Variants in LEMD2 observed in about 807,000 individuals in gnomAD.
The protein encoded by LEMD2 is LEM domain nuclear envelope protein 2, also known as LEM domain-containing protein 2.
Under a neutral mutation model 58.8 loss-of-function variants are expected in LEMD2, and 34 were observed. The observed-to-expected ratio is 0.58, with a 90% CI of 0.44 to 0.77. The LOEUF (loss-of-function observed/expected upper bound fraction) is 0.77, where lower values mean the gene tolerates loss of function less well. Among genes scored for constraint, LEMD2 ranks in the 30% least tolerant of loss-of-function variants. The pLI is 0.00. For synonymous variants in LEMD2, 298 were observed against 308.9 expected (o/e 0.96, Z 0.37); for missense variants, 629 against 717.9 (o/e 0.88, Z 1.42).
chr6:33,775,193 G>A lies in LEMD2; in HGVS notation c.1361+1761C>T, dbSNP rs1393098679. 3.3e-5 allele frequency among the ~76,000 whole-genome samples: 5 copies of A among 152,212 alleles called. 1 individual carries two copies. The East Asian group carries it at 9.6e-4, about 29-fold the overall frequency. On this transcript the variant is annotated intron_variant, in intron 8 of 8. Transcript: ENST00000293760. ...CCTCACGCTGAAACCAACAGCAAGCGCTCCTCAGAGCAAGCACAGCCCATG... is the reference window on the plus strand; with the variant it reads ...CCTCACGCTGAAACCAACAGCAAGCACTCCTCAGAGCAAGCACAGCCCATG...
rs1427718788 is a variant in LEMD2, at chr6:33,780,191, C to T, written c.931-12G>A. The T allele has an allele frequency of 3.2e-6, 5 of 1,577,568 alleles. No homozygotes were observed. The highest frequency in any genetic ancestry group is 1.8e-5 in the Admixed American group (1 of 54,964). On this transcript the variant is annotated splice_polypyrimidine_tract_variant and intron_variant, in intron 4 of 8. Coordinates refer to ENST00000293760, the MANE Select transcript of LEMD2 (RefSeq NM_181336.4). ...CTGCTGGTCACATTCTGTGGGAGGG[C>T]GCGGGAGAAGGTTAGTTCGGCGTCT...
chr6:33,777,619 T>A (rs1008563424), intron 6 of LEMD2, among the ~76,000 whole-genome samples: 12 of 152,172 alleles, frequency 7.9e-5, no homozygotes, highest in South Asian at 4.1e-4. Context: ...TTTCTGTGCC[T>A]GATGGCACAG....
Position 33,788,512 on chromosome 6 carries a change from A to C in LEMD2, c.605T>G (p.Val202Gly). ...PAGAARARPE[V>G]GRRLERWLSR... ...GAGCCAGCGCTCCAGCCGGCGCCCC[A>C]CCTCAGGCCGGGCCCTCGCCGCGCC... is the stretch of plus-strand genomic sequence containing the variant. Residue 202 changes from valine to glycine, a missense_variant, in exon 1 of 9, where the codon GTG (valine) becomes GGG (glycine). Val to Gly is a moderately radical substitution (Grantham distance 109). This residue lies in a region of LEMD2 where 386 missense variants were observed against 381.1 expected (regional missense o/e 1.01). Coordinates refer to ENST00000293760, the MANE Select transcript of LEMD2 (RefSeq NM_181336.4). 6.5e-7 allele frequency: 1 copy of C among 1,530,680 alleles called. No homozygotes were observed. Among genetic ancestry groups the C allele is most frequent in the Non-Finnish European group, 8.8e-7 (1 of 1,139,032 alleles). 94.8% of individuals were successfully genotyped at this position (1,530,680 alleles called of 1,614,324 possible).
At chr6:33,775,652 T>C (rs1767413350) in intron 8 of LEMD2, among the ~76,000 whole-genome samples, 1 of 152,184 alleles carries the variant, frequency 6.6e-6, no homozygotes, top group Non-Finnish European at 1.5e-5. Flanking sequence ...TTCTGATTCC[T>C]CTTGGGTTGC....
chr6:33,788,629 C>G lies in LEMD2; in HGVS notation c.488G>C (p.Trp163Ser), dbSNP rs934171580. Reference sequence around the variant, plus strand: ...CCGCGCCGGGGCGGGAGACGCTGCCCACCAGCGGCGGGCCGCGAGACCCGG... The same window carrying G: ...CCGCGCCGGGGCGGGAGACGCTGCCGACCAGCGGCGGGCCGCGAGACCCGG... ...QGPGLAARRW[W>S]AASPAPARLP... Residue 163 changes from tryptophan (W) to serine (S), a missense_variant, in exon 1 of 9, where the codon TGG (tryptophan) becomes TCG (serine). By Grantham distance (177) the Trp-to-Ser change is radical. Transcript: ENST00000293760. 1 of 1,274,056 alleles carries G rather than the reference C, an allele frequency of 7.8e-7. No individual in the cohort carries two copies. Among genetic ancestry groups the G allele is most frequent in the African/African-American group, 1.6e-5 (1 of 64,140 alleles). 78.9% of individuals were successfully genotyped at this position (1,274,056 alleles called of 1,614,324 possible). A position where few individuals can be genotyped will look rare whatever the true frequency, so the allele number is the denominator to read the frequency against.
chr6:33,785,007 G>C (rs1218122434), intron 2 of LEMD2, among the ~76,000 whole-genome samples: 1 of 152,122 alleles, frequency 6.6e-6, no homozygotes, highest in Admixed American at 6.5e-5. Context: ...GAGGACAGAC[G>C]GTACCAGACA....
At position 33,788,487 on chromosome 6, in the gene LEMD2, G is replaced by A. The variant is rs767935452; in HGVS notation, c.630C>T (p.Leu210=). 1.4e-4 allele frequency: 224 copies of A among 1,550,214 alleles called. 2 individuals are homozygous for A. The East Asian group carries it at 5.4e-3, about 38-fold the overall frequency. ...PEVGRRLERW[L]SRLLLWASLG... The stretch of plus-strand genomic sequence containing the variant: ...GGCTGGCCCAGAGCAGAAGCCGAGA[G>A]AGCCAGCGCTCCAGCCGGCGCCCCA... The change falls in exon 1 of 9, where the codon CTC becomes CTT. Residue 210 remains leucine, a synonymous_variant. Coordinates refer to ENST00000293760, the MANE Select transcript of LEMD2 (RefSeq NM_181336.4).
At chr6:33,780,242 T>A in intron 4 of LEMD2, 63 bp from the exon 5 acceptor site, 4 of 1,375,582 alleles carry the variant, frequency 2.9e-6, no homozygotes, top group Non-Finnish European at 4.1e-6. Context: ...AACATTATTC[T>A]GCTGCTGGAT....
Position 33,772,780 on chromosome 6 carries a change from T to C in LEMD2, c.1362-2A>G. On this transcript the variant is annotated splice_acceptor_variant, in intron 8 of 8. Coordinates refer to ENST00000293760, the MANE Select transcript of LEMD2 (RefSeq NM_181336.4). LOFTEE classifies it high-confidence loss of function. ...TCCCAGACACGCTTCATGCGCCTCCTGCAATGAGAGGGACGGGGCTCTGCC... is the reference window on the plus strand; with the variant it reads ...TCCCAGACACGCTTCATGCGCCTCCCGCAATGAGAGGGACGGGGCTCTGCC... 6.2e-7 allele frequency: 1 copy of C among 1,612,746 alleles called. No individual in the cohort carries two copies. Among genetic ancestry groups the C allele is most frequent in the Non-Finnish European group, 8.5e-7 (1 of 1,179,434 alleles).
rs990949342 is a variant in LEMD2, at chr6:33,771,294, G to T, written c.*1334C>A. The T allele has an allele frequency of 1.3e-5, 2 of 152,316 alleles. No homozygotes were observed. Among genetic ancestry groups the T allele is most frequent in the East Asian group, 3.9e-4 (2 of 5,180 alleles). 9.4% of individuals were successfully genotyped at this position (152,316 alleles called of 1,614,324 possible). A position where few individuals can be genotyped will look rare whatever the true frequency, so the allele number is the denominator to read the frequency against. ...TGTTGCGGTGTTTCTTATTTTTCTGGCTGGAGCCTGATTATGAGAACATGG... is the reference window on the plus strand; with the variant it reads ...TGTTGCGGTGTTTCTTATTTTTCTGTCTGGAGCCTGATTATGAGAACATGG... On this transcript the variant is annotated 3_prime_UTR_variant, in exon 9 of 9. Coordinates refer to ENST00000293760, the MANE Select transcript of LEMD2 (RefSeq NM_181336.4).
chr6:33,781,018 A>C (rs2127380888), intron 4 of LEMD2, 59 bp downstream of exon 4: 1 of 1,183,562 alleles, frequency 8.4e-7, no homozygotes, highest in South Asian at 1.3e-5. Flanking sequence ...AGGGCTTGAA[A>C]GACCAATAGG....
chr6:33,776,669 TG>T, intron 8 of LEMD2: 1 of 449,884 alleles, frequency 2.2e-6, no homozygotes, highest in Non-Finnish European at 4.1e-6. Flanking sequence ...GGGAGGGAGC[TG>T]CTATTACTTG....
At chr6:33,788,335 A>G (rs771258689) in intron 1 of LEMD2, 46 bp downstream of exon 1, 1 of 1,501,272 alleles carries the variant, frequency 6.7e-7, no homozygotes, top group Middle Eastern at 1.7e-4. Flanking sequence ...CCTCCGGCGG[A>G]CACACGCGCG....
In LEMD2 at chr6:33,784,294, G is replaced by A. The variant is rs113536530; in HGVS notation, c.853+58C>T. On this transcript the variant is annotated intron_variant, in intron 3 of 8. Coordinates refer to ENST00000293760, the MANE Select transcript of LEMD2 (RefSeq NM_181336.4). The stretch of plus-strand genomic sequence containing the variant: ...GCAGTGTAACTAAGCCTGATGAACC[G>A]GGTCAGCCGCCCATAGCTCTCACAA... The A allele has an allele frequency of 4.6e-4, 609 of 1,336,476 alleles. 2 individuals are homozygous for A. The African/African-American group carries it at 6.8e-3, about 15-fold the overall frequency. 82.8% of individuals were successfully genotyped at this position (1,336,476 alleles called of 1,614,324 possible).
Position 33,788,832 on chromosome 6 carries a change from GC to G in LEMD2, c.284del (p.Gly95AlafsTer21). 7.0e-7 allele frequency: 1 copy of G among 1,421,168 alleles called. No homozygotes were observed. The highest frequency in any genetic ancestry group is 9.2e-7 in the Non-Finnish European group (1 of 1,090,794). The allele number at this position is 1,421,168 out of a possible 1,614,324, so 88.0% of individuals were successfully genotyped here. A position where few individuals can be genotyped will look rare whatever the true frequency, so the allele number is the denominator to read the frequency against. On this transcript the variant is annotated frameshift_variant, in exon 1 of 9. Transcript: ENST00000293760. LOFTEE classifies it high-confidence loss of function. The stretch of plus-strand genomic sequence containing the variant: ...AGGCCCCAGGGGTCGCGTAGGCCGA[GC>G]CCGAGGCCGGCTGGGAGAGCCAGGG... ...AEPWLSQPAS[G>X]SAYATPGAYG...
chr6:33,788,549 C>T lies in LEMD2; in HGVS notation c.568G>A (p.Ala190Thr). Residue 190 changes from alanine (A) to threonine (T), a missense_variant, in exon 1 of 9, where the codon GCG (alanine) becomes ACG (threonine). Ala to Thr is a moderately conservative substitution (Grantham distance 58, BLOSUM62 0). Coordinates refer to ENST00000293760, the MANE Select transcript of LEMD2 (RefSeq NM_181336.4). ...GCCCTCGCCGCGCCAGCAGGGCCCG[C>T]TCGAGTCGCCCGCAGGCCCGGGCGC... ...DPRPGLRATR[A>T]GPAGAARARP... 3.5e-6 allele frequency: 5 copies of T among 1,446,582 alleles called. No homozygotes were observed. The highest frequency in any genetic ancestry group is 4.5e-6 in the Non-Finnish European group (5 of 1,102,378). 89.6% of individuals were successfully genotyped at this position (1,446,582 alleles called of 1,614,324 possible).
At chr6:33,773,775 C>G (rs1464885133) in intron 8 of LEMD2, among the ~76,000 whole-genome samples, 1 of 152,240 alleles carries the variant, frequency 6.6e-6, no homozygotes, top group East Asian at 1.9e-4. Context: ...GTGTCTCACT[C>G]CAGCCCCTCC....
intron 4 of LEMD2, chr6:33,780,402 C>T: frequency 1.8e-6 from 1 of 570,926 alleles, no homozygotes; most frequent in Non-Finnish European, 3.2e-6. Context: ...AGCAGGAAAA[C>T]AGTGCGGGTC....
chr6:33,772,887 TA>T (rs1767337199), intron 8 of LEMD2, 109 bp from the exon 9 acceptor site: 3 of 1,037,658 alleles, frequency 2.9e-6, no homozygotes, highest in South Asian at 3.3e-5. Flanking sequence ...GGAATTTATG[TA>T]AGAGAGGAAA....
Sources: allele counts gnomAD v4.1 joint callset (sites outside exome capture counted in the v4.1 genomes callset), GRCh38; gene constraint gnomAD v4.1.1; regional missense constraint gnomAD v4.1.1; transcripts MANE v1.5; gene names NCBI Gene and HGNC (gene_info 2026-07-23, HGNC 2026-07-21).